ORC3: variants seen among roughly 807,000 people sequenced by gnomAD.
ORC3 encodes homolog of latheo, Drosophila.
In ORC3, 78 loss-of-function variants were observed where a neutral mutation model predicts 100.7. The ratio of observed to expected loss-of-function variants is 0.77; its 90% CI spans 0.65 to 0.94. The LOEUF is 0.94. Ranked by LOEUF, ORC3 falls within the 40% of genes least tolerant of loss-of-function variation. The pLI is 0.00. For missense variants in ORC3, 789 were observed against 823.9 expected (o/e 0.96, Z 0.52); for synonymous variants, 295 against 289.3 (o/e 1.02, Z -0.20).
intron 15 of ORC3, among the ~76,000 whole-genome samples, chr6:87,657,369 A>AT (rs571427902): frequency 1.3e-5 from 2 of 152,188 alleles, no homozygotes; most frequent in African/African-American, 2.4e-5. Context: ...ACTTTCCTTG[A>AT]TTTTTTAAAA....
intron 13 of ORC3, among the ~76,000 whole-genome samples, chr6:87,649,807 G>A (rs1018019102): frequency 1.3e-5 from 2 of 151,960 alleles, no homozygotes; most frequent in South Asian, 2.1e-4. Context: ...TAAGAATATC[G>A]ATTAATTTGG....
intron 15 of ORC3, 28 bp downstream of exon 15, chr6:87,657,010 G>T: frequency 7.0e-7 from 1 of 1,419,058 alleles, no homozygotes; most frequent in East Asian, 2.3e-5. Context: ...CCTTCCAGCT[G>T]CATCCTGTGA....
chr6:87,670,018 G>A (rs900581395), downstream of ORC3, among the ~76,000 whole-genome samples: 1 of 152,174 alleles, frequency 6.6e-6, no homozygotes, highest in Non-Finnish European at 1.5e-5. Flanking sequence ...TCATATATAA[G>A]GCACAGATTC....
intron 10 of ORC3, 127 bp downstream of exon 10, chr6:87,621,614 T>A: frequency 2.9e-6 from 2 of 692,570 alleles, no homozygotes; most frequent in Non-Finnish European, 4.1e-6. Flanking sequence ...AATTGTGGGA[T>A]TTCCCTTGTT....
chr6:87,609,237 G>A lies in ORC3; in HGVS notation c.713+8G>A, dbSNP rs1778570957. The A allele has an allele frequency of 1.3e-6, 2 of 1,550,548 alleles. No homozygotes were observed. Among genetic ancestry groups the A allele is most frequent in the Non-Finnish European group, 1.7e-6 (2 of 1,155,066 alleles). ...CTTCATAATTATCAGCAGGTAGATG[G>A]TGTATTACCTGGCTTTTATGAAAAA... On this transcript the variant is annotated splice_region_variant and intron_variant, in intron 7 of 19. Transcript: ENST00000392844.
chr6:87,641,927 G>A (rs1012815762), intron 13 of ORC3, among the ~76,000 whole-genome samples: 4 of 152,154 alleles, frequency 2.6e-5, no homozygotes, highest in East Asian at 1.9e-4. Flanking sequence ...CACAATCTAT[G>A]ATAAGCTTCC....
intron 13 of ORC3, among the ~76,000 whole-genome samples, chr6:87,639,137 G>A (rs1459771602): frequency 1.3e-5 from 2 of 151,978 alleles, no homozygotes; most frequent in Non-Finnish European, 2.9e-5. Context: ...TGCACATATG[G>A]CAAATATTCC....
At chr6:87,674,157 C>T in the ORC3 span, among the ~76,000 whole-genome samples, 5 of 151,854 alleles carry the variant, frequency 3.3e-5, no homozygotes, top group Non-Finnish European at 5.9e-5. Flanking sequence ...AAAAAATTAG[C>T]CGGGTGTGGT....
chr6:87,659,058 ATT>A (rs71021316), intron 16 of ORC3, among the ~76,000 whole-genome samples: 2,750 of 93,054 alleles, frequency 0.03, 42 homozygotes, highest in African/African-American at 0.13. Flanking sequence ...GTTTATTGTA[ATT>A]TTTTTTTTTT....
At chr6:87,674,625 T>TATATAC in the ORC3 span, among the ~76,000 whole-genome samples, 4 of 137,208 alleles carry the variant, frequency 2.9e-5, no homozygotes, top group African/African-American at 9.0e-5. Flanking sequence ...AGAAGGAATT[T>TATATAC]ATATATATAT....
chr6:87,639,477 C>G (rs1347258372), intron 13 of ORC3, among the ~76,000 whole-genome samples: 1 of 152,160 alleles, frequency 6.6e-6, no homozygotes, highest in Non-Finnish European at 1.5e-5. Flanking sequence ...ATTCCTCCCC[C>G]CAATTTATTC....
At chr6:87,650,314 A>G (rs189110205) in intron 13 of ORC3, among the ~76,000 whole-genome samples, 1 of 152,250 alleles carries the variant, frequency 6.6e-6, no homozygotes, top group African/African-American at 2.4e-5. Context: ...TCGGCCTCCC[A>G]AACTGCTGGG....
chr6:87,644,345 G>A (rs1370713274), intron 13 of ORC3, among the ~76,000 whole-genome samples: 1 of 111,596 alleles, frequency 9.0e-6, no homozygotes. Context: ...GCCTGCCTCG[G>A]CCTCCCAAAG....
rs1355512134 is a variant in ORC3 at position 87,601,653 on chromosome 6, C to CA, written c.80-130dup. 56 of 596,200 alleles carry CA rather than the reference C, an allele frequency of 9.4e-5. No homozygotes were observed. The East Asian group carries it at 1.0e-3, about 11-fold the overall frequency. 36.9% of individuals were successfully genotyped at this position (596,200 alleles called of 1,614,324 possible). ...TGCCACTGCACTCCAGCCTGGGTGA[C>CA]AGAGTGAGACTCCATATCAAAAAAA... On this transcript the variant is annotated intron_variant, in intron 2 of 19. Transcript: ENST00000392844.
chr6:87,663,913 C>T (rs1770397940), intron 17 of ORC3, among the ~76,000 whole-genome samples: 4 of 152,154 alleles, frequency 2.6e-5, no homozygotes, highest in Admixed American at 1.3e-4. Flanking sequence ...TTCCAGTGTA[C>T]TGGCTTCTCA....
chr6:87,593,898 T>C (rs958088716), intron 1 of ORC3, among the ~76,000 whole-genome samples: 2 of 152,340 alleles, frequency 1.3e-5, no homozygotes, highest in Admixed American at 1.3e-4. Context: ...GATTTCACCA[T>C]GTTGGCCAGG....
intron 13 of ORC3, among the ~76,000 whole-genome samples, chr6:87,645,843 T>A (rs192404551): frequency 7.8e-4 from 119 of 152,310 alleles, no homozygotes; most frequent in Non-Finnish European, 4.6e-4. Flanking sequence ...AAAACTTTTT[T>A]AAAAAATGAC....
At chr6:87,612,273 G>A in intron 8 of ORC3, 25 bp downstream of exon 8, 1 of 1,535,066 alleles carries the variant, frequency 6.5e-7, no homozygotes, top group Non-Finnish European at 8.8e-7. Flanking sequence ...TTTTACCAGT[G>A]AAATAGGATG....
rs199698250 is a variant in ORC3, at chr6:87,609,159, G to C, written c.643G>C (p.Val215Leu). The C allele has an allele frequency of 6.2e-7, 1 of 1,610,462 alleles. No homozygotes were observed. The highest frequency in any genetic ancestry group is 1.3e-5 in the African/African-American group (1 of 74,850). ...TTSSQWQSPP[V>L]VVILKDMESF... ...TTCTAGCCAATGGCAGTCTCCTCCT[G>C]TTGTCGTTATCTTGAAGGATATGGA... is the stretch of plus-strand genomic sequence containing the variant. The change falls in exon 7 of 20, where the codon GTT becomes CTT. Residue 215 changes from valine (V) to leucine (L), a missense_variant. Physicochemically the swap from Val to Leu is conservative, Grantham distance 32 (BLOSUM62 1). This residue lies in a region of ORC3 where 399 missense variants were observed against 382.0 expected (regional missense o/e 1.04). Transcript: ENST00000392844.
Sources: gnomAD v4.1 joint callset for allele counts (sites outside exome capture counted in the v4.1 genomes callset) on GRCh38, gnomAD v4.1.1 for gene constraint, gnomAD v4.1.1 regional missense constraint, MANE v1.5 for transcripts, NCBI Gene and HGNC (gene_info 2026-07-23, HGNC 2026-07-21) for gene names.